Variants in CYTH3 observed in about 807,000 individuals in gnomAD.
CYTH3 encodes cytohesin 3.
Under a neutral mutation model 55.1 loss-of-function variants are expected in CYTH3, and 23 were observed. The ratio of observed to expected loss-of-function variants is 0.42; its 90% CI spans 0.30 to 0.59. The LOEUF (loss-of-function observed/expected upper bound fraction) is 0.59. Ranked by LOEUF, CYTH3 falls within the 20% of genes least tolerant of loss-of-function variation. CYTH3 has a pLI of 0.20. For synonymous variants in CYTH3, 249 were observed against 194.9 expected (o/e 1.28, Z -2.31); for missense variants, 413 against 524.8 (o/e 0.79, Z 2.08).
chr7:6,166,381 T>A (rs1377907788), intron 9 of CYTH3, among the ~76,000 whole-genome samples: 1 of 152,266 alleles, frequency 6.6e-6, no homozygotes, highest in African/African-American at 2.4e-5. Context: ...TGACTTCAGC[T>A]GCTATAGCCT....
At chr7:6,211,306 T>C (rs1037707954) in intron 1 of CYTH3, among the ~76,000 whole-genome samples, 1 of 152,240 alleles carries the variant, frequency 6.6e-6, no homozygotes, top group Non-Finnish European at 1.5e-5. Context: ...GCTGTTGTAT[T>C]TCTTTCATAG....
rs2301910 is a variant in CYTH3 at position 6,165,368 on chromosome 7, A to C, written c.1032T>G (p.Thr344=). Residue 344 remains threonine, a synonymous_variant, in exon 12 of 13, where the codon ACT becomes ACG. Coordinates refer to ENST00000350796, the MANE Select transcript of CYTH3 (RefSeq NM_004227.4). ...CCTCTACCACGCGGCCGTCGGCCTC[A>C]GTCTTACAGGCCTTGATGACCTGCC... ...HKGQVIKACK[T]EADGRVVEGN... 0.69 allele frequency: 1,106,994 copies of C among 1,614,014 alleles called. 383,035 individuals are homozygous for C. Among genetic ancestry groups the C allele is most frequent in the African/African-American group, 0.9 (67,283 of 75,040 alleles).
intron 1 of CYTH3, among the ~76,000 whole-genome samples, chr7:6,240,208 A>C (rs1779638690): frequency 6.8e-6 from 1 of 146,382 alleles, no homozygotes; most frequent in African/African-American, 2.6e-5. Flanking sequence ...CAGAAGGCTG[A>C]GGCAGAATTG....
chr7:6,200,391 T>C (rs752015087), intron 1 of CYTH3, among the ~76,000 whole-genome samples: 48 of 152,320 alleles, frequency 3.2e-4, no homozygotes, highest in Middle Eastern at 3.4e-3. Flanking sequence ...TTATGAACTG[T>C]GGCCAGAACC....
In CYTH3 at chr7:6,203,884, A is replaced by G. The variant is rs565274390; in HGVS notation, c.35-13353T>C. ...CAGGCGCCTGCCACCATGCCCGGCT[A>G]ATTTTTTTATTTTTAGTAGAGACAG... On this transcript the variant is annotated intron_variant, in intron 1 of 12. Coordinates refer to ENST00000350796, the MANE Select transcript of CYTH3 (RefSeq NM_004227.4). Among the ~76,000 whole-genome samples, 21 of 152,070 alleles carry G rather than the reference A, an allele frequency of 1.4e-4. No individual in the cohort carries two copies. The South Asian group carries it at 4.4e-3, about 32-fold the overall frequency.
intron 1 of CYTH3, among the ~76,000 whole-genome samples, chr7:6,194,867 C>T (rs576872323): frequency 3.9e-4 from 59 of 152,096 alleles, no homozygotes; most frequent in Non-Finnish European, 6.6e-4. Flanking sequence ...CCCAGCTACT[C>T]GGGAGGCTGA....
At chr7:6,207,463 T>G (rs1784220888) in intron 1 of CYTH3, among the ~76,000 whole-genome samples, 1 of 152,080 alleles carries the variant, frequency 6.6e-6, no homozygotes, top group South Asian at 2.1e-4. Flanking sequence ...GAATAGCATT[T>G]AATTCAAACT....
chr7:6,271,269 G>T (rs1464934109), intron 1 of CYTH3, among the ~76,000 whole-genome samples: 1 of 152,110 alleles, frequency 6.6e-6, no homozygotes, highest in South Asian at 2.1e-4. Flanking sequence ...GCTGCATCGC[G>T]TCTTTCAGCA....
At position 6,225,990 on chromosome 7, in the gene CYTH3, A is replaced by T. The variant is rs572472345; in HGVS notation, c.35-35459T>A. Among the ~76,000 whole-genome samples, 202 of 152,262 alleles carry T rather than the reference A, an allele frequency of 1.3e-3. 1 individual carries two copies. The highest frequency in any genetic ancestry group is 9.9e-3 in the South Asian group (48 of 4,828). ...TGTGAGCCACCACACACAGCCTGAAATTTTTTTAAAAACAAACAAAAAAAT... is the reference window on the plus strand; with the variant it reads ...TGTGAGCCACCACACACAGCCTGAATTTTTTTTAAAAACAAACAAAAAAAT... On this transcript the variant is annotated intron_variant, in intron 1 of 12. Transcript: ENST00000350796.
At chr7:6,208,522 T>A (rs1364905741) in intron 1 of CYTH3, among the ~76,000 whole-genome samples, 1 of 151,126 alleles carries the variant, frequency 6.6e-6, no homozygotes, top group African/African-American at 2.5e-5. Context: ...TTCATTCCAA[T>A]CATTCATTCT....
At chr7:6,226,456 T>A (rs1412376183) in intron 1 of CYTH3, among the ~76,000 whole-genome samples, 5 of 152,144 alleles carry the variant, frequency 3.3e-5, no homozygotes, top group Non-Finnish European at 7.4e-5. Context: ...GAGAGTGCTA[T>A]TTTAGGGCGA....
At chr7:6,173,869 T>C in intron 5 of CYTH3, 136 bp from the exon 6 acceptor site, 1 of 642,432 alleles carries the variant, frequency 1.6e-6, no homozygotes. Context: ...AAAACATTTG[T>C]ATTTTTTGTA....
intron 1 of CYTH3, among the ~76,000 whole-genome samples, chr7:6,237,191 C>T (rs1779545933): frequency 6.6e-6 from 1 of 152,236 alleles, no homozygotes; most frequent in South Asian, 2.1e-4. Context: ...CTTCTCAATC[C>T]ACTTTTAGAC....
chr7:6,174,524 G>A (rs1265584014), intron 5 of CYTH3, among the ~76,000 whole-genome samples: 2 of 147,546 alleles, frequency 1.4e-5, no homozygotes, highest in Non-Finnish European at 3.0e-5. Context: ...GGTGTGAAAT[G>A]GTATCTCCTT....
intron 1 of CYTH3, among the ~76,000 whole-genome samples, chr7:6,212,115 C>T (rs879292345): frequency 1.3e-5 from 2 of 152,166 alleles, no homozygotes; most frequent in African/African-American, 4.8e-5. Flanking sequence ...TCCTTCTACT[C>T]TCTATCTCCA....
At chr7:6,245,497 G>T (rs1464847154) in intron 1 of CYTH3, among the ~76,000 whole-genome samples, 1 of 152,210 alleles carries the variant, frequency 6.6e-6, no homozygotes, top group East Asian at 1.9e-4. Flanking sequence ...GTGCACCCTA[G>T]AGAGAATGTG....
chr7:6,231,858 C>T (rs1206520539), intron 1 of CYTH3, among the ~76,000 whole-genome samples: 2 of 152,174 alleles, frequency 1.3e-5, no homozygotes, highest in African/African-American at 4.8e-5. Context: ...GCATCGGGAC[C>T]CGGGCCACAA....
chr7:6,259,757 TTATATATATATATATTATATATATATAA>T (rs1344871353), intron 1 of CYTH3, among the ~76,000 whole-genome samples: 5,176 of 37,254 alleles, frequency 0.14, 588 homozygotes, highest in Non-Finnish European at 0.15. Flanking sequence ...TATATATATA[TTATATATATATATATTATATATATATAA>T]TATATATATA....
rs770599761 is a variant in CYTH3 at position 6,171,017 on chromosome 7, C to T, written c.563-39G>A. The T allele has an allele frequency of 6.2e-7, 1 of 1,611,568 alleles. No homozygotes were observed. The highest frequency in any genetic ancestry group is 8.5e-7 in the Non-Finnish European group (1 of 1,179,164). ...GGGGTGCTGGGCTCAGCCAGAACCT[C>T]CAGTGGACAGTGGGACCCCGCGTGC... On this transcript the variant is annotated intron_variant, in intron 7 of 12. Transcript: ENST00000350796. The surrounding 1 kb of genome is among the most constrained non-coding windows in gnomAD (Gnocchi z 6.7).
Sources: gnomAD v4.1 joint callset for allele counts (sites outside exome capture counted in the v4.1 genomes callset) on GRCh38, gnomAD v4.1.1 for gene constraint, Gnocchi (gnomAD v3.1) non-coding constraint, MANE v1.5 for transcripts, NCBI Gene and HGNC (gene_info 2026-07-23, HGNC 2026-07-21) for gene names.